KDM4A: variants seen among roughly 807,000 people sequenced by gnomAD.
The protein encoded by KDM4A is lysine demethylase 4A.
In KDM4A, 23 loss-of-function variants were observed where a neutral mutation model predicts 127.1. The ratio of observed to expected loss-of-function variants is 0.18; its 90% CI spans 0.13 to 0.26. KDM4A has a LOEUF of 0.26. KDM4A is among the 10% of genes least tolerant of loss of function. KDM4A has a pLI of 1.00. For synonymous variants in KDM4A, 443 were observed against 466.5 expected, an observed-to-expected ratio of 0.95 and a Z score of 0.65; for missense variants, 890 against 1,329.1, an observed-to-expected ratio of 0.67 and a Z score of 5.14.
chr1:43,665,744 A>C lies in KDM4A; in HGVS notation c.672A>C (p.Lys224Asn). 1 of 1,614,020 alleles carries C rather than the reference A, an allele frequency of 6.2e-7. No individual in the cohort carries two copies. The highest frequency in any genetic ancestry group is 1.1e-5 in the South Asian group (1 of 91,078). Reference sequence around the variant, plus strand: ...GAAAGCGGTTGGAACGCCTCGCCAAAGGTACTGTGTCTCTTCTGTTTGCTG... The same window carrying C: ...GAAAGCGGTTGGAACGCCTCGCCAACGGTACTGTGTCTCTTCTGTTTGCTG... Reference protein sequence around the residue: ...EHGKRLERLAKGFFPGSAQSC... With the variant: ...EHGKRLERLANGFFPGSAQSC... The change falls in exon 6 of 22, where the codon AAA becomes AAC. Residue 224 changes from lysine (K) to asparagine (N), a missense_variant and splice_region_variant. Lys to Asn is a moderately conservative substitution (Grantham distance 94). Coordinates refer to ENST00000372396, the MANE Select transcript of KDM4A (RefSeq NM_014663.3).
Position 43,669,296 on chromosome 1 carries a change from C to T in KDM4A, c.1360C>T (p.Pro454Ser), listed in dbSNP as rs1301506786. Residue 454 changes from proline to serine, a missense_variant, in exon 10 of 22, where the codon CCA (proline) becomes TCA (serine). Coordinates refer to ENST00000372396, the MANE Select transcript of KDM4A (RefSeq NM_014663.3). ...VRQVEDGLTF[P>S]DYSDSTEVKF... ...GCAAGTTGAGGATGGTCTTACCTTC[C>T]CAGGTTAGTTGACTATGGTGTATTT... The T allele has an allele frequency of 6.2e-7, 1 of 1,614,096 alleles. No individual in the cohort carries two copies. Among genetic ancestry groups the T allele is most frequent in the South Asian group, 1.1e-5 (1 of 91,082 alleles).
intron 12 of KDM4A, among the ~76,000 whole-genome samples, chr1:43,687,449 G>A (rs949658752): frequency 1.3e-5 from 2 of 152,184 alleles, no homozygotes; most frequent in African/African-American, 4.8e-5. Flanking sequence ...CATTCAAAGC[G>A]AGATGCATGG....
chr1:43,663,831 A>G (rs1374846612), intron 5 of KDM4A, among the ~76,000 whole-genome samples: 1 of 151,638 alleles, frequency 6.6e-6, no homozygotes, highest in Non-Finnish European at 1.5e-5. Flanking sequence ...ATGGGGTCTC[A>G]CTATGTTGCA....
Position 43,667,029 on chromosome 1 carries a change from T to C in KDM4A, c.853T>C (p.Cys285Arg). Residue 285 changes from cysteine to arginine, a missense_variant, in exon 8 of 22, where the codon TGT (cysteine) becomes CGT (arginine). Around this residue, in one of 7 missense-constraint regions of KDM4A, gnomAD observed 141 missense variants for 273.5 expected, o/e 0.52. Transcript: ENST00000372396. ...YHAGFNHGFN[C>R]AESTNFATRR... ...TGCCGGCTTTAACCATGGTTTTAAC[T>C]GTGCGGAGTCTACCAATTTTGCTAC... 1 of 1,614,186 alleles carries C rather than the reference T, an allele frequency of 6.2e-7. No homozygotes were observed. The highest frequency in any genetic ancestry group is 8.5e-7 in the Non-Finnish European group (1 of 1,180,012).
At chr1:43,663,836 G>A (rs1660440616) in intron 5 of KDM4A, among the ~76,000 whole-genome samples, 1 of 151,800 alleles carries the variant, frequency 6.6e-6, no homozygotes, top group African/African-American at 2.4e-5. Context: ...GTCTCACTAT[G>A]TTGCACAGGC....
chr1:43,690,586 T>C (rs1465558628), intron 13 of KDM4A: 1 of 530,780 alleles, frequency 1.9e-6, no homozygotes, highest in African/African-American at 1.9e-5. Flanking sequence ...TTGGGAAGAT[T>C]GAAATCCCAG....
Position 43,703,700 on chromosome 1 carries a change from C to A in KDM4A, c.2925C>A (p.Ala975=). 6.2e-7 allele frequency: 1 copy of A among 1,614,134 alleles called. No individual in the cohort carries two copies. Among genetic ancestry groups the A allele is most frequent in the South Asian group, 1.1e-5 (1 of 91,080 alleles). Residue 975 remains alanine, a synonymous_variant, in exon 20 of 22, where the codon GCC becomes GCA. Coordinates refer to ENST00000372396, the MANE Select transcript of KDM4A (RefSeq NM_014663.3). ...GGACAGACGGCCAAGTCTATGGAGC[C>A]AAGTTTGTGGCCTCCCACCCTATCC... ...VRWTDGQVYG[A]KFVASHPIQM...
chr1:43,671,619 C>T lies in KDM4A; in HGVS notation c.1478C>T (p.Ala493Val), dbSNP rs138721228. ...GCCTTGGATCTTTCTGTGAATCCTG[C>T]GTCTGTAGGGGGACGCCTTGTCTTC... ...AAALDLSVNP[A>V]SVGGRLVFSG... The change falls in exon 11 of 22, where the codon GCG becomes GTG. Residue 493 changes from alanine to valine, a missense_variant. Physicochemically the swap from Ala to Val is moderately conservative, Grantham distance 64. Coordinates refer to ENST00000372396, the MANE Select transcript of KDM4A (RefSeq NM_014663.3). 225 of 1,613,238 alleles carry T rather than the reference C, an allele frequency of 1.4e-4. No individual in the cohort carries two copies. In the East Asian group the frequency reaches 2.7e-3, roughly 20 times the overall value.
chr1:43,678,119 T>G (rs1261727119), intron 11 of KDM4A, among the ~76,000 whole-genome samples: 1 of 151,944 alleles, frequency 6.6e-6, no homozygotes, highest in Non-Finnish European at 1.5e-5. Flanking sequence ...AGGATAATGG[T>G]TATAAGAAAA....
At chr1:43,698,074 C>T in intron 19 of KDM4A, 61 bp downstream of exon 19, 1 of 1,539,864 alleles carries the variant, frequency 6.5e-7, no homozygotes. Flanking sequence ...TAAGGTCTGG[C>T]TGGCAGACTG....
Position 43,669,253 on chromosome 1 carries a change from C to T in KDM4A, c.1317C>T (p.Pro439=), listed in dbSNP as rs755244136. The change falls in exon 10 of 22, where the codon CCC becomes CCT. Residue 439 remains proline, a synonymous_variant. Coordinates refer to ENST00000372396, the MANE Select transcript of KDM4A (RefSeq NM_014663.3). The part of the protein sequence containing the change: ...ECPAALAPVR[P]THSSVRQVED... ...CGGCAGCCCTCGCCCCTGTGAGGCC[C>T]ACCCATAGCTCTGTGCGGCAAGTTG... The T allele has an allele frequency of 6.8e-6, 11 of 1,614,094 alleles. No individual in the cohort carries two copies. The highest frequency in any genetic ancestry group is 6.8e-6 in the Non-Finnish European group (8 of 1,180,052).
chr1:43,690,833 C>G lies in KDM4A; in HGVS notation c.2038-12C>G. On this transcript the variant is annotated splice_polypyrimidine_tract_variant and intron_variant, in intron 13 of 21. Transcript: ENST00000372396. ...GTGCTCACTGAGGTGTACACTTGTT[C>G]TTTCCCCTTAGGTTGAATTTGGAGG... is the stretch of plus-strand genomic sequence containing the variant. 6.2e-7 allele frequency: 1 copy of G among 1,613,862 alleles called. No homozygotes were observed.
chr1:43,653,553 A>T (rs1570806877), intron 2 of KDM4A: 1 of 325,516 alleles, frequency 3.1e-6, no homozygotes, highest in East Asian at 5.6e-5. Context: ...TAGTGTCTCC[A>T]GGCCTGGCTG....
chr1:43,655,636 A>G lies in KDM4A; in HGVS notation c.184A>G (p.Ile62Val), dbSNP rs746069109. 4.3e-6 allele frequency: 7 copies of G among 1,613,126 alleles called. No homozygotes were observed. In the East Asian group the frequency reaches 1.1e-4, roughly 26 times the overall value. Residue 62 changes from isoleucine to valine, a missense_variant, in exon 3 of 22, where the codon ATT becomes GTT. This residue lies in a region of KDM4A where 29 missense variants were observed against 64.3 expected (regional missense o/e 0.45). Transcript: ENST00000372396. ...EWKPRASYDDIDDLVIPAPIQ... is the reference protein window; with the variant it reads ...EWKPRASYDDVDDLVIPAPIQ... ...GAAGCCACGAGCATCCTATGATGAC[A>G]TTGATGATTTGGTCATTCCTGCCCC...
intron 11 of KDM4A, among the ~76,000 whole-genome samples, chr1:43,681,565 C>T (rs887982935): frequency 1.3e-5 from 2 of 152,194 alleles, no homozygotes; most frequent in Non-Finnish European, 2.9e-5. Context: ...ACTTCCTCCA[C>T]ATGAGCCCTC....
At chr1:43,656,918 C>T (rs1009437845) in intron 3 of KDM4A, among the ~76,000 whole-genome samples, 5 of 151,528 alleles carry the variant, frequency 3.3e-5, no homozygotes, top group Admixed American at 1.3e-4. Flanking sequence ...TTAGTAGAGA[C>T]GGGGTTTCAC....
chr1:43,666,243 CATTACCCACGTAATGCCCT>C, intron 6 of KDM4A, 190 bp from the exon 7 acceptor site: 1 of 522,526 alleles, frequency 1.9e-6, no homozygotes. Context: ...AACAGGATTT[CATTACCCACGTAATGCCCT>C]ACATGGGAGT....
intron 4 of KDM4A, among the ~76,000 whole-genome samples, chr1:43,661,657 G>C (rs1269730388): frequency 7.0e-6 from 1 of 143,358 alleles, no homozygotes; most frequent in Non-Finnish European, 1.5e-5. Context: ...CAGTTTTGTT[G>C]ATAGCAGTTT....
intron 5 of KDM4A, among the ~76,000 whole-genome samples, chr1:43,663,364 A>C (rs889973179): frequency 1.3e-5 from 2 of 152,090 alleles, no homozygotes; most frequent in South Asian, 4.1e-4. Flanking sequence ...ACTGCTTTCT[A>C]ATTTTTTTTC....
Sources: gnomAD v4.1 joint callset for allele counts (sites outside exome capture counted in the v4.1 genomes callset) on GRCh38, gnomAD v4.1.1 for gene constraint, gnomAD v4.1.1 regional missense constraint, MANE v1.5 for transcripts, NCBI Gene and HGNC (gene_info 2026-07-23, HGNC 2026-07-21) for gene names.